Variants in GDAP1 observed in about 807,000 individuals in gnomAD.
GDAP1 encodes ganglioside induced differentiation associated protein 1.
A neutral mutation model predicts 40.1 loss-of-function variants in GDAP1; 34 were observed. That is an observed-to-expected ratio of 0.85 (90% CI 0.64 to 1.13). GDAP1 has a LOEUF of 1.13. GDAP1 is among the 50% of genes most tolerant of loss of function. The pLI is 0.00. For synonymous variants in GDAP1, 170 were observed against 157.4 expected (o/e 1.08, Z -0.60); for missense variants, 374 against 433.7 (o/e 0.86, Z 1.22).
At chr8:74,486,108 A>G (rs905694488) in intron 2 of GDAP1, among the ~76,000 whole-genome samples, 2 of 152,192 alleles carry the variant, frequency 1.3e-5, no homozygotes, top group African/African-American at 2.4e-5. Context: ...GCATAGTTAC[A>G]CACATAGGCT....
intron 2 of GDAP1, among the ~76,000 whole-genome samples, chr8:74,399,550 T>A (rs1055765109): frequency 2.1e-5 from 3 of 145,390 alleles, no homozygotes; most frequent in Non-Finnish European, 4.4e-5. Context: ...TCTATTTCCT[T>A]CAGTTCTGCT....
chr8:74,363,194 T>C, intron 5 of GDAP1, 141 bp downstream of exon 5: 2 of 612,184 alleles, frequency 3.3e-6, no homozygotes, highest in Non-Finnish European at 2.9e-6. Flanking sequence ...ATAGCAATAA[T>C]GATATTGCAC....
chr8:74,434,407 A>G (rs1806063752), intron 2 of GDAP1, among the ~76,000 whole-genome samples: 1 of 152,220 alleles, frequency 6.6e-6, no homozygotes, highest in Admixed American at 6.5e-5. Flanking sequence ...CTCATGAAGT[A>G]ATTAGACCAT....
chr8:74,467,958 G>A (rs1186489550), intron 2 of GDAP1, among the ~76,000 whole-genome samples: 1 of 151,674 alleles, frequency 6.6e-6, no homozygotes, highest in African/African-American at 2.4e-5. Flanking sequence ...CATGATTTGA[G>A]ATATTGATAT....
chr8:74,414,074 A>G (rs555600426), intron 2 of GDAP1, among the ~76,000 whole-genome samples: 1 of 150,354 alleles, frequency 6.7e-6, no homozygotes, highest in East Asian at 1.9e-4. Flanking sequence ...AGATCAGAAT[A>G]GTACTGGTTT....
downstream of GDAP1, among the ~76,000 whole-genome samples, chr8:74,369,291 G>A (rs1162012043): frequency 1.3e-5 from 2 of 152,142 alleles, no homozygotes; most frequent in African/African-American, 4.8e-5. Flanking sequence ...TTGAAAAAAA[G>A]TAATAAATAG....
intron 2 of GDAP1, among the ~76,000 whole-genome samples, chr8:74,354,828 TTGA>T (rs1399982233): frequency 6.6e-6 from 1 of 152,184 alleles, no homozygotes; most frequent in African/African-American, 2.4e-5. Context: ...TTGAGGAATG[TTGA>T]TGAGATAGAA....
At chr8:74,360,489 T>C (rs1490272785) in intron 3 of GDAP1, among the ~76,000 whole-genome samples, 179 bp downstream of exon 3, 1 of 152,224 alleles carries the variant, frequency 6.6e-6, no homozygotes, top group Non-Finnish European at 1.5e-5. Context: ...TGTGCTTCAC[T>C]TGCTCAATTG....
At chr8:74,351,213 C>G (rs771379171) in intron 1 of GDAP1, 61 bp from the exon 2 acceptor site, 32 of 1,377,322 alleles carry the variant, frequency 2.3e-5, no homozygotes, top group Non-Finnish European at 3.3e-5. Flanking sequence ...TAGCGGTGTC[C>G]AGGGAAGTCA....
At chr8:74,466,332 T>C (rs1379244166) in intron 2 of GDAP1, among the ~76,000 whole-genome samples, 1 of 152,166 alleles carries the variant, frequency 6.6e-6, no homozygotes, top group Non-Finnish European at 1.5e-5. Context: ...TGGAGGGTTT[T>C]AGGGAAACGT....
At chr8:74,373,783 C>G (rs1313398542) in intron 2 of GDAP1, among the ~76,000 whole-genome samples, 4 of 152,126 alleles carry the variant, frequency 2.6e-5, no homozygotes, top group Non-Finnish European at 5.9e-5. Flanking sequence ...GCCAGAACTT[C>G]CAACACTATG....
intron 3 of GDAP1, among the ~76,000 whole-genome samples, chr8:74,360,557 G>A (rs1004721371): frequency 6.6e-6 from 1 of 152,112 alleles, no homozygotes; most frequent in East Asian, 1.9e-4. Flanking sequence ...GGCCAATCTT[G>A]GGTAAAACTC....
chr8:74,427,165 C>T (rs1805958266), intron 2 of GDAP1, among the ~76,000 whole-genome samples: 1 of 152,254 alleles, frequency 6.6e-6, no homozygotes, highest in African/African-American at 2.4e-5. Flanking sequence ...CCTGTATTGG[C>T]CTGATCAAGA....
At chr8:74,410,150 T>C (rs1004601829) in intron 2 of GDAP1, among the ~76,000 whole-genome samples, 4 of 150,120 alleles carry the variant, frequency 2.7e-5, no homozygotes, top group Non-Finnish European at 4.4e-5. Context: ...CACCTGTCTC[T>C]TGAATCAGTT....
chr8:74,377,275 A>T (rs1466071614), intron 2 of GDAP1, among the ~76,000 whole-genome samples: 1 of 152,168 alleles, frequency 6.6e-6, no homozygotes, highest in East Asian at 1.9e-4. Context: ...AATCGATGAG[A>T]ATATTCACAA....
intron 2 of GDAP1, among the ~76,000 whole-genome samples, chr8:74,435,670 T>C (rs1651058359): frequency 1.3e-5 from 2 of 152,246 alleles, no homozygotes; most frequent in African/African-American, 4.8e-5. Context: ...TTTAATGGCA[T>C]GTAAACATTG....
chr8:74,357,974 C>T (rs982598505), intron 2 of GDAP1, among the ~76,000 whole-genome samples: 1 of 152,176 alleles, frequency 6.6e-6, no homozygotes, highest in African/African-American at 2.4e-5. Flanking sequence ...TCAGAAGCAG[C>T]AGATACTGTT....
intron 2 of GDAP1, among the ~76,000 whole-genome samples, chr8:74,469,428 G>C (rs1806515450): frequency 1.3e-5 from 2 of 152,156 alleles, no homozygotes; most frequent in African/African-American, 4.8e-5. Context: ...CAGCACTTTG[G>C]GAGGCCGAGG....
chr8:74,472,340 A>G (rs768993710), intron 2 of GDAP1, among the ~76,000 whole-genome samples: 15 of 152,214 alleles, frequency 9.9e-5, no homozygotes, highest in Non-Finnish European at 8.8e-5. Flanking sequence ...TCTACCTTTG[A>G]TGGACATTTA....
Sources: allele counts gnomAD v4.1 joint callset (sites outside exome capture counted in the v4.1 genomes callset), GRCh38; gene constraint gnomAD v4.1.1; transcripts MANE v1.5; gene names NCBI Gene and HGNC (gene_info 2026-07-23, HGNC 2026-07-21).